Variants in MAP3K7 observed in about 807,000 individuals in gnomAD.
MAP3K7 encodes TGF-beta activated kinase 1.
MAP3K7 carries 21 observed loss-of-function variants against 84.8 expected under a neutral mutation model. That is an observed-to-expected ratio of 0.25 (90% CI 0.18 to 0.36). The LOEUF is 0.36. Among genes scored for constraint, MAP3K7 ranks in the 10% least tolerant of loss-of-function variants. The pLI, the probability that MAP3K7 is intolerant of heterozygous loss-of-function variation, is 1.00. For missense variants in MAP3K7, 503 were observed against 747.7 expected (o/e 0.67, Z 3.82); for synonymous variants, 241 against 247.7 (o/e 0.97, Z 0.25).
rs748681814 is a variant in MAP3K7, at chr6:90,553,500, T to C, written c.694A>G (p.Ile232Val). ...ATGATTCGGAAAGCTGGGCCACCAA[T>C]CTCATCAAAGGGTTTCCGACGCGTT... ...VITRRKPFDE[I>V]GGPAFRIMWA... Residue 232 changes from isoleucine to valine, a missense_variant, in exon 7 of 17, where the codon ATT becomes GTT. By Grantham distance (29) the Ile-to-Val change is conservative. This residue lies in a region of MAP3K7 where 97 missense variants were observed against 270.8 expected (regional missense o/e 0.36). Coordinates refer to ENST00000369329, the MANE Select transcript of MAP3K7 (RefSeq NM_145331.3). The C allele has an allele frequency of 6.2e-7, 1 of 1,613,988 alleles. No homozygotes were observed. Among genetic ancestry groups the C allele is most frequent in the Non-Finnish European group, 8.5e-7 (1 of 1,179,990 alleles).
rs370424884 is a variant in MAP3K7 at position 90,544,541 on chromosome 6, G to A, written c.1291+11C>T. The A allele has an allele frequency of 9.9e-6, 16 of 1,609,898 alleles. No individual in the cohort carries two copies. In the African/African-American group the frequency reaches 2.1e-4, roughly 22 times the overall value. ...CACAGCTATTAGACCAACTCAGGTG[G>A]TCTATGATACCTGATATGACGATCT... On this transcript the variant is annotated intron_variant, in intron 12 of 16. Transcript: ENST00000369329.
In MAP3K7 at chr6:90,560,067, A is replaced by T. The variant is rs770883176; in HGVS notation, c.482+9T>A. Reference sequence around the variant, plus strand: ...AGAGGCTGAGGGGTGTCACATTATTATAACTTACTTTGGTGGTTTCAGGTC... The same window carrying T: ...AGAGGCTGAGGGGTGTCACATTATTTTAACTTACTTTGGTGGTTTCAGGTC... On this transcript the variant is annotated intron_variant, in intron 5 of 16. Coordinates refer to ENST00000369329, the MANE Select transcript of MAP3K7 (RefSeq NM_145331.3). 4 of 1,614,148 alleles carry T rather than the reference A, an allele frequency of 2.5e-6. No homozygotes were observed. In the African/African-American group the frequency reaches 4.0e-5, roughly 16 times the overall value.
At chr6:90,522,535 G>C (rs946391537) in intron 14 of MAP3K7, among the ~76,000 whole-genome samples, 2 of 152,138 alleles carry the variant, frequency 1.3e-5, no homozygotes, top group African/African-American at 4.8e-5. Flanking sequence ...CCACTGGGGA[G>C]GAGCAAGTCT....
intron 14 of MAP3K7, among the ~76,000 whole-genome samples, chr6:90,519,538 ATAATT>A (rs1234732919): frequency 2.0e-5 from 3 of 152,044 alleles, no homozygotes; most frequent in Non-Finnish European, 4.4e-5. Context: ...TCTCATACCT[ATAATT>A]TAAGTTGGCT....
chr6:90,545,629 C>T (rs1274352330), intron 11 of MAP3K7, among the ~76,000 whole-genome samples: 1 of 152,110 alleles, frequency 6.6e-6, no homozygotes, highest in African/African-American at 2.4e-5. Flanking sequence ...CTCATGGAGA[C>T]TCATGGGCTT....
In MAP3K7 at chr6:90,530,122, T is replaced by A. The variant is rs113454964; in HGVS notation, c.1356+6215A>T. Among the ~76,000 whole-genome samples the A allele has an allele frequency of 1.0e-3, 158 of 152,348 alleles. 1 individual carries two copies. The highest frequency in any genetic ancestry group is 3.5e-3 in the African/African-American group (144 of 41,590). ...TTGACTGAAAGCAAGTACACAAATA[T>A]GCCCATAGTTATAACTGCTATTATA... On this transcript the variant is annotated intron_variant, in intron 13 of 16. Coordinates refer to ENST00000369329, the MANE Select transcript of MAP3K7 (RefSeq NM_145331.3).
intron 5 of MAP3K7, among the ~76,000 whole-genome samples, chr6:90,558,275 T>C (rs189979971): frequency 5.1e-4 from 78 of 152,138 alleles, no homozygotes; most frequent in Non-Finnish European, 9.1e-4. Context: ...TGAGCTGAGA[T>C]TGCGCCACTG....
chr6:90,546,031 G>A (rs555871437), intron 11 of MAP3K7, among the ~76,000 whole-genome samples: 1 of 152,260 alleles, frequency 6.6e-6, no homozygotes, highest in South Asian at 2.1e-4. Context: ...CTATACAGTA[G>A]GGATTACAGC....
chr6:90,556,089 G>C (rs572594164), intron 6 of MAP3K7, among the ~76,000 whole-genome samples: 27 of 152,218 alleles, frequency 1.8e-4, no homozygotes, highest in Non-Finnish European at 3.8e-4. Flanking sequence ...GAAAAACGTT[G>C]TCTTGTTCAA....
chr6:90,544,363 T>C (rs1040934432), intron 12 of MAP3K7, among the ~76,000 whole-genome samples, 189 bp downstream of exon 12: 13 of 152,174 alleles, frequency 8.5e-5, no homozygotes, highest in African/African-American at 2.7e-4. Context: ...TCACTTATTG[T>C]AGATCAGAGG....
rs1582155042 is a variant in MAP3K7, at chr6:90,518,671, G to A, written c.1525-109C>T. 9 of 656,764 alleles carry A rather than the reference G, an allele frequency of 1.4e-5. 1 individual carries two copies. In the East Asian group the frequency reaches 2.5e-4, roughly 19 times the overall value. 40.7% of individuals were successfully genotyped at this position (656,764 alleles called of 1,614,324 possible). On this transcript the variant is annotated intron_variant, in intron 15 of 16. Transcript: ENST00000369329. ...TATATTTTTATAGCACTAAAGCAAT[G>A]ATCTTTTAAAAATAAGTGTTAAACC...
At chr6:90,516,724 T>G (rs370606193) in intron 16 of MAP3K7, 43 bp from the exon 17 acceptor site, 279 of 1,490,680 alleles carry the variant, frequency 1.9e-4, no homozygotes, top group Non-Finnish European at 2.5e-4. Flanking sequence ...ATGGAAAAAT[T>G]CATACCTTAG....
At chr6:90,578,777 T>TA (rs1352578441) in intron 1 of MAP3K7, among the ~76,000 whole-genome samples, 1 of 152,126 alleles carries the variant, frequency 6.6e-6, no homozygotes, top group African/African-American at 2.4e-5. Context: ...CTACGTAGCA[T>TA]AAAAAAAGCT....
rs931333395 is a variant in MAP3K7 at position 90,587,046 on chromosome 6, G to C, written c.-163C>G. On this transcript the variant is annotated 5_prime_UTR_variant, in exon 1 of 17. Coordinates refer to ENST00000369329, the MANE Select transcript of MAP3K7 (RefSeq NM_145331.3). ...AGAGGCAGCGGCCACAGCCGTGTCC[G>C]GCTCTGGCTCCGCTGCGTTTTCCGC... 1.5e-5 allele frequency: 12 copies of C among 801,212 alleles called. No homozygotes were observed. In the Admixed American group the frequency reaches 1.7e-4, roughly 11 times the overall value. 49.6% of individuals were successfully genotyped at this position (801,212 alleles called of 1,614,324 possible).
At chr6:90,547,195 A>C in intron 11 of MAP3K7, 63 bp downstream of exon 11, 1 of 1,576,370 alleles carries the variant, frequency 6.3e-7, no homozygotes, top group South Asian at 1.2e-5. Context: ...TGACAACTGA[A>C]ACTACCATGG....
chr6:90,572,194 T>A (rs1487824253), intron 1 of MAP3K7, among the ~76,000 whole-genome samples: 2 of 151,982 alleles, frequency 1.3e-5, no homozygotes, highest in South Asian at 2.1e-4. Context: ...ATATAATAAA[T>A]ATTTTCAGCT....
chr6:90,550,743 C>T (rs1776155144), intron 8 of MAP3K7, 194 bp from the exon 9 acceptor site: 3 of 450,576 alleles, frequency 6.7e-6, no homozygotes, highest in Non-Finnish European at 1.2e-5. Context: ...ATCTAGCTTA[C>T]ATTGGAGTCT....
chr6:90,552,991 G>C (rs1400150132), intron 7 of MAP3K7, among the ~76,000 whole-genome samples: 1 of 152,044 alleles, frequency 6.6e-6, no homozygotes, highest in Non-Finnish European at 1.5e-5. Context: ...TCTAAGGGTG[G>C]GTGAGAATAT....
At chr6:90,567,243 C>G (rs1776738995) in intron 3 of MAP3K7, among the ~76,000 whole-genome samples, 1 of 152,176 alleles carries the variant, frequency 6.6e-6, no homozygotes. Flanking sequence ...AGCTTCTGCA[C>G]AGCAAAAGAA....
Sources: allele counts gnomAD v4.1 joint callset (sites outside exome capture counted in the v4.1 genomes callset), GRCh38; gene constraint gnomAD v4.1.1; regional missense constraint gnomAD v4.1.1; transcripts MANE v1.5; gene names NCBI Gene and HGNC (gene_info 2026-07-23, HGNC 2026-07-21).